Variants in SYT1 observed in about 807,000 individuals in gnomAD.
SYT1 encodes the protein synaptotagmin-1.
SYT1 carries 8 observed loss-of-function variants against 44.8 expected under a neutral mutation model. The ratio of observed to expected loss-of-function variants is 0.18; its 90% confidence interval spans 0.10 to 0.32. The LOEUF is 0.32. Among genes scored for constraint, SYT1 ranks in the 10% least tolerant of loss-of-function variants. SYT1 has a pLI of 1.00. For missense variants in SYT1, 286 were observed against 509.3 expected, an observed-to-expected ratio of 0.56 and a Z score of 4.22; for synonymous variants, 154 against 188.8, an observed-to-expected ratio of 0.82 and a Z score of 1.51.
chr12:79,319,895 C>G (rs536468158), intron 8 of SYT1, among the ~76,000 whole-genome samples: 1 of 152,258 alleles, frequency 6.6e-6, no homozygotes, highest in African/African-American at 2.4e-5. Flanking sequence ...GGATGAGGAG[C>G]ATGGAGTAGA....
intron 4 of SYT1, among the ~76,000 whole-genome samples, chr12:79,281,178 A>T (rs529247026): frequency 6.6e-6 from 1 of 152,226 alleles, no homozygotes; most frequent in Non-Finnish European, 1.5e-5. Context: ...AGAAGCCATT[A>T]TATCAAAAAG....
At chr12:79,342,211 AGGATTT>A (rs1565916813) in intron 8 of SYT1, among the ~76,000 whole-genome samples, 1 of 152,174 alleles carries the variant, frequency 6.6e-6, no homozygotes, top group East Asian at 1.9e-4. Context: ...GACCTACTTA[AGGATTT>A]TAAGATTTGG....
intron 3 of SYT1, among the ~76,000 whole-genome samples, chr12:79,076,444 A>G (rs749764172): frequency 7.2e-5 from 11 of 152,164 alleles, no homozygotes; most frequent in African/African-American, 9.7e-5. Context: ...AAGAAATAAT[A>G]TACTATTTTA....
chr12:79,170,486 TG>T lies in SYT1; in HGVS notation c.-17-47016del, dbSNP rs1871450543. Among the ~76,000 whole-genome samples the T allele has an allele frequency of 2.6e-5, 4 of 152,228 alleles. No individual in the cohort carries two copies. In the South Asian group the frequency reaches 6.2e-4, roughly 24 times the overall value. ...TTTTTTTATATGATTTTTGGCCACA[TG>T]TATGTCTTCTTTTGAAAAGGGTCTG... On this transcript the variant is annotated intron_variant, in intron 3 of 10. Transcript: ENST00000261205.
intron 3 of SYT1, among the ~76,000 whole-genome samples, chr12:79,119,058 TTTC>T (rs1879450215): frequency 6.6e-6 from 1 of 151,864 alleles, no homozygotes; most frequent in South Asian, 2.1e-4. Context: ...GGCTGGTCGT[TTTC>T]TTCTTCTCCA....
chr12:79,160,068 G>A (rs570430857), intron 3 of SYT1, among the ~76,000 whole-genome samples: 2 of 152,264 alleles, frequency 1.3e-5, no homozygotes, highest in Admixed American at 1.3e-4. Flanking sequence ...TGTGATTGAA[G>A]GGAAGAAATG....
At chr12:78,893,861 A>C (rs1875191382) in intron 1 of SYT1, among the ~76,000 whole-genome samples, 1 of 151,614 alleles carries the variant, frequency 6.6e-6, no homozygotes. Context: ...TAATAATAAT[A>C]ATAAAGTTGC....
intron 2 of SYT1, among the ~76,000 whole-genome samples, chr12:79,034,809 AAAAAGTT>A (rs1271282975): frequency 6.6e-6 from 1 of 151,744 alleles, no homozygotes; most frequent in Non-Finnish European, 1.5e-5. Context: ...ACACCTTTTT[AAAAAGTT>A]TTATTCTATT....
At chr12:79,269,241 G>T (rs1878289432) in intron 4 of SYT1, among the ~76,000 whole-genome samples, 1 of 152,012 alleles carries the variant, frequency 6.6e-6, no homozygotes. Context: ...GTGAAACAGA[G>T]AATTTTTTTA....
chr12:79,262,496 A>C (rs1416771548), intron 4 of SYT1, among the ~76,000 whole-genome samples: 2 of 152,204 alleles, frequency 1.3e-5, no homozygotes, highest in African/African-American at 4.8e-5. Context: ...TCTATAAATT[A>C]CTAGAAGTTT....
At chr12:79,189,090 A>G (rs1872963494) in intron 3 of SYT1, among the ~76,000 whole-genome samples, 1 of 152,148 alleles carries the variant, frequency 6.6e-6, no homozygotes, top group Non-Finnish European at 1.5e-5. Context: ...GTAACTGAGT[A>G]AAAAGATGAC....
intron 3 of SYT1, among the ~76,000 whole-genome samples, chr12:79,189,280 A>C (rs532383756): frequency 6.6e-6 from 1 of 152,278 alleles, no homozygotes; most frequent in South Asian, 2.1e-4. Context: ...CAAACTATTT[A>C]GTCTGTCTAC....
At chr12:79,325,214 A>G (rs944077741) in intron 8 of SYT1, among the ~76,000 whole-genome samples, 7 of 152,208 alleles carry the variant, frequency 4.6e-5, no homozygotes, top group South Asian at 2.1e-4. Flanking sequence ...CCAGCTTCTC[A>G]TGGTTAAGGA....
intron 9 of SYT1, among the ~76,000 whole-genome samples, chr12:79,378,187 C>T (rs556396724): frequency 1.6e-4 from 24 of 152,296 alleles, no homozygotes; most frequent in Middle Eastern, 3.4e-3. Flanking sequence ...GAAATCTTTG[C>T]CTCACTAACT....
chr12:79,379,697 A>G (rs530848471), intron 9 of SYT1, among the ~76,000 whole-genome samples: 2 of 152,322 alleles, frequency 1.3e-5, no homozygotes, highest in East Asian at 1.9e-4. Flanking sequence ...TGAAGAATCA[A>G]TCATCCAATA....
intron 1 of SYT1, chr12:78,926,602 G>T (rs1877315770): frequency 6.7e-6 from 1 of 149,544 alleles, no homozygotes; most frequent in African/African-American, 2.5e-5. Flanking sequence ...AACAGGAATG[G>T]AATAAACCAA....
chr12:79,209,550 C>T (rs1205082711), intron 3 of SYT1, among the ~76,000 whole-genome samples: 1 of 152,190 alleles, frequency 6.6e-6, no homozygotes, highest in African/African-American at 2.4e-5. Flanking sequence ...GGCCAGCATC[C>T]ACCACTCATT....
At chr12:79,015,509 T>C (rs1344677947) in intron 2 of SYT1, among the ~76,000 whole-genome samples, 1 of 152,132 alleles carries the variant, frequency 6.6e-6, no homozygotes, top group African/African-American at 2.4e-5. Context: ...ACTTACTACT[T>C]TGCTAATGAT....
intron 8 of SYT1, among the ~76,000 whole-genome samples, chr12:79,303,802 T>A (rs1880261848): frequency 6.6e-6 from 1 of 152,196 alleles, no homozygotes; most frequent in Non-Finnish European, 1.5e-5. Flanking sequence ...TCCTTAGTAC[T>A]TCCTTGGAAT....
Sources: gnomAD v4.1 joint callset for allele counts (sites outside exome capture counted in the v4.1 genomes callset) on GRCh38, gnomAD v4.1.1 for gene constraint, MANE v1.5 for transcripts, NCBI Gene and HGNC (gene_info 2026-07-23, HGNC 2026-07-21) for gene names.